The following A1BG variants were observed in gnomAD, a reference collection of about 807,000 sequenced individuals.
A1BG encodes the protein alpha-1-B glycoprotein.
A neutral mutation model predicts 46.0 loss-of-function variants in A1BG; 44 were observed. The ratio of observed to expected loss-of-function variants is 0.96; its 90% CI spans 0.75 to 1.23. The LOEUF (loss-of-function observed/expected upper bound fraction) is 1.23, where lower values mean the gene tolerates loss of function less well. Ranked by LOEUF, A1BG falls within the 50% of genes most tolerant of loss-of-function variation. The pLI is 0.00. For synonymous variants in A1BG, 316 were observed against 314.7 expected (o/e 1.00, Z -0.04); for missense variants, 707 against 688.8 (o/e 1.03, Z -0.30).
chr19:58,351,525 G>T lies in A1BG; in HGVS notation c.776C>A (p.Pro259Gln), dbSNP rs777113231. 3 of 1,613,830 alleles carry T rather than the reference G, an allele frequency of 1.9e-6. No homozygotes were observed. The highest frequency in any genetic ancestry group is 1.1e-5 in the South Asian group (1 of 91,094). The change falls in exon 5 of 8, where the codon CCA becomes CAA. Residue 259 changes from proline to glutamine, a missense_variant. Transcript: ENST00000263100. The stretch of plus-strand genomic sequence containing the variant: ...GTTCAGGTGAAAGAAGATGCGATCT[G>T]GGCTGGTGCTGCTCCTGGGTACCAG... ...ELLVPRSSTS[P>Q]DRIFFHLNAV...
At chr19:58,350,216 C>T (rs781450733) in intron 6 of A1BG, 154 bp downstream of exon 6, 91 of 1,010,632 alleles carry the variant, frequency 9.0e-5, no homozygotes, top group Non-Finnish European at 1.2e-4. Context: ...AGACCCTCGA[C>T]CACCGATCGC....
At position 58,350,509 on chromosome 19, in the gene A1BG, G is replaced by T; in HGVS notation, c.1053C>A (p.Ser351Arg). ...RGGRRVHRFQSPAGTEALFEL... is the reference protein window; with the variant it reads ...RGGRRVHRFQRPAGTEALFEL... ...CGAAGAGCGCCTCGGTCCCAGCGGG[G>T]CTCTGGAAACGGTGCACGCGGCGCC... Residue 351 changes from serine (S) to arginine (R), a missense_variant, in exon 6 of 8, where the codon AGC becomes AGA. Transcript: ENST00000263100. 6.4e-7 allele frequency: 1 copy of T among 1,555,026 alleles called. No individual in the cohort carries two copies.
chr19:58,352,254 C>T, intron 4 of A1BG, 29 bp downstream of exon 4: 1 of 1,607,440 alleles, frequency 6.2e-7, no homozygotes, highest in Non-Finnish European at 8.5e-7. Flanking sequence ...CCTCCCCCAG[C>T]AGCCCCCAGA....
intron 5 of A1BG, 74 bp downstream of exon 5, chr19:58,351,317 A>G: frequency 1.3e-6 from 2 of 1,559,648 alleles, no homozygotes; most frequent in Non-Finnish European, 1.7e-6. Context: ...GCACTTCCCC[A>G]GACTCTACAC....
At chr19:58,350,922 C>T in intron 5 of A1BG, 1 of 430,702 alleles carries the variant, frequency 2.3e-6, no homozygotes, top group Non-Finnish European at 4.1e-6. Context: ...TGGCTTGATG[C>T]CTGGTGCACG....
Position 58,351,584 on chromosome 19 carries a change from C to T in A1BG, c.717G>A (p.Val239=). Residue 239 remains valine (V), a synonymous_variant, in exon 5 of 8, where the codon GTG becomes GTA. Transcript: ENST00000263100. ...TCTCCCCGCGCCGTAGCTGGAAGTC[C>T]ACTCCACTCAGGGGAGCCACGCAGG... The part of the protein sequence containing the change: ...TLTCVAPLSG[V]DFQLRRGEKE... 1.9e-6 allele frequency: 3 copies of T among 1,613,874 alleles called. No homozygotes were observed. Among genetic ancestry groups the T allele is most frequent in the Admixed American group, 3.3e-5 (2 of 60,014 alleles).
In A1BG at chr19:58,346,720, A is replaced by G. The variant is rs1159342676; in HGVS notation, c.*302T>C. 4.2e-6 allele frequency: 2 copies of G among 472,690 alleles called. No homozygotes were observed. The highest frequency in any genetic ancestry group is 7.7e-6 in the Non-Finnish European group (2 of 260,008). 29.3% of individuals were successfully genotyped at this position (472,690 alleles called of 1,614,324 possible). A position where few individuals can be genotyped will look rare whatever the true frequency, so the allele number is the denominator to read the frequency against. On this transcript the variant is annotated 3_prime_UTR_variant, in exon 8 of 8. Coordinates refer to ENST00000263100, the MANE Select transcript of A1BG (RefSeq NM_130786.4). ...GGTGACAGTGTGAGACCCTGTCTCAAAAAAGAAAAAAGAAAAGAAAACTGT... is the reference window on the plus strand; with the variant it reads ...GGTGACAGTGTGAGACCCTGTCTCAGAAAAGAAAAAAGAAAAGAAAACTGT...
At position 58,346,026 on chromosome 19, in the gene A1BG, A is replaced by T. The variant is rs1213916634; in HGVS notation, c.*996T>A. 1 of 152,300 alleles carries T rather than the reference A, an allele frequency of 6.6e-6. No individual in the cohort carries two copies. Among genetic ancestry groups the T allele is most frequent in the African/African-American group, 2.4e-5 (1 of 41,468 alleles). The allele number at this position is 152,300 out of a possible 1,614,324, so 9.4% of individuals were successfully genotyped here. On this transcript the variant is annotated 3_prime_UTR_variant, in exon 8 of 8. Coordinates refer to ENST00000263100, the MANE Select transcript of A1BG (RefSeq NM_130786.4). Reference sequence around the variant, plus strand: ...AATGGGAAAGAACACAGAGGAATCCAGCCATTTCCACAGCGTCCAGCTCTG... The same window carrying T: ...AATGGGAAAGAACACAGAGGAATCCTGCCATTTCCACAGCGTCCAGCTCTG...
At chr19:58,347,677 C>CCCCAGGCCACGCCCCAGGCCTCG in intron 6 of A1BG, 37 bp from the exon 7 acceptor site, 1 of 671,754 alleles carries the variant, frequency 1.5e-6, no homozygotes, top group Non-Finnish European at 2.2e-6. Context: ...CCAGGCCACG[C>CCCCAGGCCACGCCCCAGGCCTCG]CCCAGGCCAC....
rs1443767999 is a variant in A1BG at position 58,351,597 on chromosome 19, G to C, written c.704C>G (p.Pro235Arg). 6.2e-7 allele frequency: 1 copy of C among 1,613,660 alleles called. No homozygotes were observed. The highest frequency in any genetic ancestry group is 8.5e-7 in the Non-Finnish European group (1 of 1,180,008). Residue 235 changes from proline to arginine, a missense_variant, in exon 5 of 8, where the codon CCC becomes CGC. Pro to Arg is a moderately radical substitution (Grantham distance 103). Coordinates refer to ENST00000263100, the MANE Select transcript of A1BG (RefSeq NM_130786.4). ...TAGCTGGAAGTCCACTCCACTCAGG[G>C]GAGCCACGCAGGTGAGGGTCACCTT... Reference protein sequence around the residue: ...GNKVTLTCVAPLSGVDFQLRR... With the variant: ...GNKVTLTCVARLSGVDFQLRR...
rs1300154441 is a variant in A1BG at position 58,347,634 on chromosome 19, G to A, written c.1199C>T (p.Pro400Leu). ...ERLELHVDGP[P>L]PRPQLRATWS... ...CGTCGCCCGGAGCTGAGGCCTGGGA[G>A]GGGGTCCTGGGCGGAGCGGGCGGGT... Residue 400 changes from proline to leucine, a missense_variant, in exon 7 of 8, where the codon CCT becomes CTT. Pro to Leu is a moderately conservative substitution (Grantham distance 98). Coordinates refer to ENST00000263100, the MANE Select transcript of A1BG (RefSeq NM_130786.4). The A allele has an allele frequency of 3.5e-6, 5 of 1,437,390 alleles. No individual in the cohort carries two copies. The highest frequency in any genetic ancestry group is 2.7e-5 in the Admixed American group (1 of 37,184). 89.0% of individuals were successfully genotyped at this position (1,437,390 alleles called of 1,614,324 possible).
chr19:58,351,708 C>G (rs374438988), intron 4 of A1BG, 21 bp from the exon 5 acceptor site: 20 of 1,552,022 alleles, frequency 1.3e-5, no homozygotes, highest in Non-Finnish European at 1.7e-5. Flanking sequence ...GGCAGCATTA[C>G]TAGGCTGCCC....
rs921667584 is a variant in A1BG, at chr19:58,347,632, G to C, written c.1201C>G (p.Pro401Ala). Residue 401 changes from proline (P) to alanine (A), a missense_variant, in exon 7 of 8, where the codon CCC (proline) becomes GCC (alanine). By Grantham distance (27) the Pro-to-Ala change is conservative. Transcript: ENST00000263100. ...RLELHVDGPP[P>A]RPQLRATWSG... is the part of the protein sequence containing the mutation. ...CACGTCGCCCGGAGCTGAGGCCTGGGAGGGGGTCCTGGGCGGAGCGGGCGG... is the reference window on the plus strand; with the variant it reads ...CACGTCGCCCGGAGCTGAGGCCTGGCAGGGGGTCCTGGGCGGAGCGGGCGG... 5.5e-6 allele frequency: 8 copies of C among 1,442,610 alleles called. No individual in the cohort carries two copies. Among genetic ancestry groups the C allele is most frequent in the Non-Finnish European group, 7.2e-6 (8 of 1,104,874 alleles). The allele number at this position is 1,442,610 out of a possible 1,614,324, so 89.4% of individuals were successfully genotyped here.
In A1BG at chr19:58,345,988, A is replaced by C. The variant is rs2051911558; in HGVS notation, c.*1034T>G. On this transcript the variant is annotated 3_prime_UTR_variant, in exon 8 of 8. Transcript: ENST00000263100. ...GATGTCAGATGGCACAAGAGGACTCAGAGCTGAGGGATAATGGGAAAGAAC... is the reference window on the plus strand; with the variant it reads ...GATGTCAGATGGCACAAGAGGACTCCGAGCTGAGGGATAATGGGAAAGAAC... The C allele has an allele frequency of 6.6e-6, 1 of 152,336 alleles. No homozygotes were observed. The allele number at this position is 152,336 out of a possible 1,614,324, so 9.4% of individuals were successfully genotyped here. A position where few individuals can be genotyped will look rare whatever the true frequency, so the allele number is the denominator to read the frequency against.
rs2051909782 is a variant in A1BG at position 58,345,655 on chromosome 19, CA to C, written c.*1366del. The C allele has an allele frequency of 6.6e-6, 1 of 152,240 alleles. No individual in the cohort carries two copies. Among genetic ancestry groups the C allele is most frequent in the Non-Finnish European group, 1.5e-5 (1 of 68,192 alleles). 9.4% of individuals were successfully genotyped at this position (152,240 alleles called of 1,614,324 possible). A position where few individuals can be genotyped will look rare whatever the true frequency, so the allele number is the denominator to read the frequency against. On this transcript the variant is annotated 3_prime_UTR_variant, in exon 8 of 8. Transcript: ENST00000263100. ...TGCACTCCAGCCTGGGCAACAAGAG[CA>C]AAATTCTGTCTCAAAAACAAATAAA...
At position 58,350,630 on chromosome 19, in the gene A1BG, A is replaced by G. The variant is rs1024896247; in HGVS notation, c.932T>C (p.Phe311Ser). The change falls in exon 6 of 8, where the codon TTC (phenylalanine) becomes TCC (serine). Residue 311 changes from phenylalanine to serine, a missense_variant. Coordinates refer to ENST00000263100, the MANE Select transcript of A1BG (RefSeq NM_130786.4). Reference sequence around the variant, plus strand: ...CCTGCCGGACTCCGGCTCCGGGGAGAACTCCGGCGCGGGCAGCGTCTCTGC... The same window carrying G: ...CCTGCCGGACTCCGGCTCCGGGGAGGACTCCGGCGCGGGCAGCGTCTCTGC... ...LSDETLPAPE[F>S]SPEPESGRAL... 4.2e-6 allele frequency: 6 copies of G among 1,424,198 alleles called. No individual in the cohort carries two copies. The highest frequency in any genetic ancestry group is 1.5e-5 in the South Asian group (1 of 65,822). 88.2% of individuals were successfully genotyped at this position (1,424,198 alleles called of 1,614,324 possible). A position where few individuals can be genotyped will look rare whatever the true frequency, so the allele number is the denominator to read the frequency against.
intron 5 of A1BG, 110 bp downstream of exon 5, chr19:58,351,281 G>C: frequency 7.4e-7 from 1 of 1,348,724 alleles, no homozygotes; most frequent in Non-Finnish European, 1.0e-6. Context: ...GGATAAAGTT[G>C]GTATTGGACC....
In A1BG at chr19:58,353,200, G is replaced by C. The variant is rs902669719; in HGVS notation, c.71-3C>G. The C allele has an allele frequency of 2.5e-6, 4 of 1,613,478 alleles. No homozygotes were observed. Among genetic ancestry groups the C allele is most frequent in the East Asian group, 2.2e-5 (1 of 44,876 alleles). On this transcript the variant is annotated splice_polypyrimidine_tract_variant and splice_region_variant and intron_variant, in intron 2 of 7. Coordinates refer to ENST00000263100, the MANE Select transcript of A1BG (RefSeq NM_130786.4). ...CAGGCTGGGCTGCGTCTCATAAACTGCAAGGGGTGGCTGGGATCAGCTCAG... is the reference window on the plus strand; with the variant it reads ...CAGGCTGGGCTGCGTCTCATAAACTCCAAGGGGTGGCTGGGATCAGCTCAG...
In A1BG at chr19:58,353,390, C is replaced by G. The variant is rs200176996; in HGVS notation, c.34+14G>C. The G allele has an allele frequency of 2.6e-4, 417 of 1,612,668 alleles. No individual in the cohort carries two copies. In the African/African-American group the frequency reaches 4.8e-3, roughly 19 times the overall value. On this transcript the variant is annotated intron_variant, in intron 1 of 7. Coordinates refer to ENST00000263100, the MANE Select transcript of A1BG (RefSeq NM_130786.4). Reference sequence around the variant, plus strand: ...CCCTCCCGCCCCAGGGACCCAGACCCCAGGAGGCCTCACCCCACAGCAAGA... The same window carrying G: ...CCCTCCCGCCCCAGGGACCCAGACCGCAGGAGGCCTCACCCCACAGCAAGA...
Sources: gnomAD v4.1 joint callset for allele counts on GRCh38, gnomAD v4.1.1 for gene constraint, MANE v1.5 for transcripts, NCBI Gene and HGNC (gene_info 2026-07-23, HGNC 2026-07-21) for gene names.